The following MYO5B variants were observed in gnomAD, a reference collection of about 807,000 sequenced individuals.
MYO5B encodes myosin VB, also known as unconventional myosin-Vb.
A neutral mutation model predicts 229.3 loss-of-function variants in MYO5B; 143 were observed. That is an observed-to-expected ratio of 0.62 (90% CI 0.54 to 0.72). MYO5B has a LOEUF of 0.72. Ranked by LOEUF, MYO5B falls within the 30% of genes least tolerant of loss-of-function variation. The pLI is 0.00. For synonymous variants in MYO5B, 918 were observed against 885.2 expected, an observed-to-expected ratio of 1.04 and a Z score of -0.66; for missense variants, 2,321 against 2,331.0, an observed-to-expected ratio of 1.00 and a Z score of 0.09.
intron 17 of MYO5B, among the ~76,000 whole-genome samples, chr18:49,916,878 C>T (rs1426299007): frequency 1.3e-5 from 2 of 152,202 alleles, no homozygotes; most frequent in African/African-American, 4.8e-5. Flanking sequence ...GGCTCCCTCA[C>T]CTTTAAGAGG....
rs117431962 is a variant in MYO5B, at chr18:49,971,755, C to T, written c.1322+2595G>A. On this transcript the variant is annotated intron_variant, in intron 10 of 39. Coordinates refer to ENST00000285039, the MANE Select transcript of MYO5B (RefSeq NM_001080467.3). Reference sequence around the variant, plus strand: ...CCCAGGCACACAGCTAGCTTGTTCACTCTGAATTCCCTTGTATCTAACTTG... The same window carrying T: ...CCCAGGCACACAGCTAGCTTGTTCATTCTGAATTCCCTTGTATCTAACTTG... Among the ~76,000 whole-genome samples, 8 of 152,356 alleles carry T rather than the reference C, an allele frequency of 5.3e-5. No individual in the cohort carries two copies. The East Asian group carries it at 1.5e-3, about 29-fold the overall frequency.
At chr18:49,859,638 G>T (rs1054719623) in intron 29 of MYO5B, among the ~76,000 whole-genome samples, 2 of 152,228 alleles carry the variant, frequency 1.3e-5, no homozygotes, top group African/African-American at 4.8e-5. Context: ...ATATGAGGGT[G>T]AACAGTTTGT....
chr18:50,187,086 C>A (rs2033159535), intron 1 of MYO5B, among the ~76,000 whole-genome samples: 1 of 152,168 alleles, frequency 6.6e-6, no homozygotes, highest in Non-Finnish European at 1.5e-5. Flanking sequence ...TCATCCCAAA[C>A]CCAACATGTC....
At chr18:49,989,850 C>T (rs573247689) in intron 7 of MYO5B, among the ~76,000 whole-genome samples, 1 of 152,316 alleles carries the variant, frequency 6.6e-6, no homozygotes, top group Non-Finnish European at 1.5e-5. Flanking sequence ...CCATCTCTCT[C>T]CCTCCAGTGA....
chr18:49,935,609 G>A (rs1210401108), intron 16 of MYO5B, among the ~76,000 whole-genome samples: 1 of 152,212 alleles, frequency 6.6e-6, no homozygotes, highest in East Asian at 1.9e-4. Flanking sequence ...GCTGTAGTAG[G>A]CTTGCACAAA....
chr18:50,015,775 T>C (rs1217540214), intron 4 of MYO5B, among the ~76,000 whole-genome samples: 1 of 152,232 alleles, frequency 6.6e-6, no homozygotes, highest in Non-Finnish European at 1.5e-5. Context: ...GTGCTTGCAG[T>C]AGCCTCTGCT....
At chr18:50,073,474 C>T (rs181355404) in intron 1 of MYO5B, among the ~76,000 whole-genome samples, 10 of 152,310 alleles carry the variant, frequency 6.6e-5, no homozygotes, top group Admixed American at 2.6e-4. Context: ...CCTCCTTCCA[C>T]TCTGGCCACC....
chr18:50,033,743 C>A (rs16951418), intron 4 of MYO5B, among the ~76,000 whole-genome samples: 1 of 152,108 alleles, frequency 6.6e-6, no homozygotes. Flanking sequence ...ATTAAAATGA[C>A]GTTTCATAGG....
chr18:49,880,062 T>C (rs1217631), intron 23 of MYO5B, among the ~76,000 whole-genome samples: 92,360 of 152,028 alleles, frequency 0.61, 28,065 homozygotes, highest in Middle Eastern at 0.67. Context: ...ATGTAGTAGA[T>C]GAACAAACTG....
intron 1 of MYO5B, among the ~76,000 whole-genome samples, chr18:50,062,864 G>A (rs183255298): frequency 1.3e-5 from 2 of 152,088 alleles, no homozygotes; most frequent in Non-Finnish European, 2.9e-5. Flanking sequence ...TCAGATATAG[G>A]GTGCTGGTCC....
intron 1 of MYO5B, among the ~76,000 whole-genome samples, chr18:50,170,428 A>C (rs1243087945): frequency 7.8e-6 from 1 of 127,882 alleles, no homozygotes; most frequent in Non-Finnish European, 1.7e-5. Flanking sequence ...CCTACAAATA[A>C]ACGGGGACTT....
chr18:49,939,133 CTCTT>C (rs1174076289), intron 14 of MYO5B, among the ~76,000 whole-genome samples: 4 of 149,060 alleles, frequency 2.7e-5, no homozygotes, highest in Non-Finnish European at 5.9e-5. Context: ...TACATTAACA[CTCTT>C]TCTTTTTTTT....
intron 27 of MYO5B, among the ~76,000 whole-genome samples, chr18:49,866,291 G>C (rs556304698): frequency 1.3e-5 from 2 of 151,358 alleles, no homozygotes; most frequent in African/African-American, 4.9e-5. Context: ...GGATGGTCTC[G>C]ATCTCCTGAC....
At chr18:50,047,177 T>C (rs546903402) in intron 2 of MYO5B, among the ~76,000 whole-genome samples, 2 of 152,284 alleles carry the variant, frequency 1.3e-5, no homozygotes, top group Admixed American at 1.3e-4. Flanking sequence ...AGAAAATTTT[T>C]GCAACCTACT....
At position 50,051,734 on chromosome 18, in the gene MYO5B, T is replaced by C. The variant is rs368249199; in HGVS notation, c.138+3534A>G. Reference sequence around the variant, plus strand: ...GTTTATCATCTTGTTTACTTCAATATGAAACATCTTACATTATGCCAGGTG... The same window carrying C: ...GTTTATCATCTTGTTTACTTCAATACGAAACATCTTACATTATGCCAGGTG... On this transcript the variant is annotated intron_variant, in intron 2 of 39. Coordinates refer to ENST00000285039, the MANE Select transcript of MYO5B (RefSeq NM_001080467.3). Among the ~76,000 whole-genome samples, 29 of 152,362 alleles carry C rather than the reference T, an allele frequency of 1.9e-4. No individual in the cohort carries two copies. The South Asian group carries it at 6.0e-3, about 32-fold the overall frequency.
chr18:50,194,256 G>A (rs2033267992), intron 1 of MYO5B, among the ~76,000 whole-genome samples: 1 of 152,182 alleles, frequency 6.6e-6, no homozygotes, highest in South Asian at 2.1e-4. Context: ...CCTCTCCCAA[G>A]TCCAGGGTTC....
At chr18:49,908,335 T>C (rs2024922743) in intron 18 of MYO5B, among the ~76,000 whole-genome samples, 1 of 152,210 alleles carries the variant, frequency 6.6e-6, no homozygotes, top group Admixed American at 6.5e-5. Flanking sequence ...AACTGACTGT[T>C]GACTGATCAG....
In MYO5B at chr18:49,944,719, T is replaced by C. The variant is rs150652211; in HGVS notation, c.1753-7322A>G. 7.2e-5 allele frequency among the ~76,000 whole-genome samples: 11 copies of C among 152,262 alleles called. No individual in the cohort carries two copies. The East Asian group carries it at 2.1e-3, about 29-fold the overall frequency. ...CTTATACTTGAATCACTCCATCCCC[T>C]GGCTTCTATCCACCAAGCATACAGC... On this transcript the variant is annotated intron_variant, in intron 14 of 39. Coordinates refer to ENST00000285039, the MANE Select transcript of MYO5B (RefSeq NM_001080467.3).
intron 1 of MYO5B, among the ~76,000 whole-genome samples, chr18:50,169,666 G>C (rs1266881310): frequency 2.3e-5 from 3 of 127,684 alleles, no homozygotes; most frequent in African/African-American, 8.9e-5. Context: ...TATAACCCTG[G>C]ATTGGTACCG....
Sources: allele counts gnomAD v4.1 joint callset (sites outside exome capture counted in the v4.1 genomes callset), GRCh38; gene constraint gnomAD v4.1.1; transcripts MANE v1.5; gene names NCBI Gene and HGNC (gene_info 2026-07-23, HGNC 2026-07-21).